COL5A3: variants seen among roughly 807,000 people sequenced by gnomAD.
COL5A3 encodes collagen alpha-3(V) chain.
Under a neutral mutation model 250.0 loss-of-function variants are expected in COL5A3, and 172 were observed. The observed-to-expected ratio is 0.69, with a 90% CI of 0.61 to 0.78. The LOEUF (loss-of-function observed/expected upper bound fraction) is 0.78. COL5A3 is among the 30% of genes least tolerant of loss of function. COL5A3 has a pLI of 0.00. For missense variants in COL5A3, 2,340 were observed against 2,334.4 expected (o/e 1.00, Z -0.05); for synonymous variants, 937 against 900.4 (o/e 1.04, Z -0.73).
intron 45 of COL5A3, 137 bp downstream of exon 45, chr19:9,976,421 A>G (rs1298212470): frequency 1.7e-6 from 1 of 596,604 alleles, no homozygotes; most frequent in East Asian, 3.6e-5. Flanking sequence ...TTGAGTTCAC[A>G]TTGGGTGTCA....
Position 9,967,336 on chromosome 19 carries a change from G to T in COL5A3, c.4458+11C>A. ...TTTGGTGTCCATTCCCCCGCCCCCC[G>T]GGGAACTCACCGGGGGGCCTGGTGG... On this transcript the variant is annotated intron_variant, in intron 62 of 66. Transcript: ENST00000264828. The T allele has an allele frequency of 7.0e-7, 1 of 1,420,712 alleles. No individual in the cohort carries two copies. The highest frequency in any genetic ancestry group is 3.0e-5 in the East Asian group (1 of 33,432). 88.0% of individuals were successfully genotyped at this position (1,420,712 alleles called of 1,614,324 possible).
rs373518733 is a variant in COL5A3, at chr19:9,998,087, A to G, written c.1158+15T>C. On this transcript the variant is annotated intron_variant, in intron 9 of 66. Coordinates refer to ENST00000264828, the MANE Select transcript of COL5A3 (RefSeq NM_015719.4). ...CATGAAGCCTCTCAACCCCCTCACAATCCAGACCCCTCACCTTTTCAATCA... is the reference window on the plus strand; with the variant it reads ...CATGAAGCCTCTCAACCCCCTCACAGTCCAGACCCCTCACCTTTTCAATCA... The G allele has an allele frequency of 5.1e-5, 82 of 1,613,616 alleles. No individual in the cohort carries two copies. The African/African-American group carries it at 9.1e-4, about 18-fold the overall frequency.
chr19:9,995,051 G>A (rs1208735816), intron 16 of COL5A3, among the ~76,000 whole-genome samples: 1 of 152,000 alleles, frequency 6.6e-6, no homozygotes, highest in Non-Finnish European at 1.5e-5. Context: ...GGGATTACAG[G>A]CGCACGCTGC....
At chr19:9,976,478 G>T in intron 45 of COL5A3, 80 bp downstream of exon 45, 1 of 1,080,186 alleles carries the variant, frequency 9.3e-7, no homozygotes, top group Non-Finnish European at 1.3e-6. Context: ...GATTAAGTCA[G>T]TGTGCTTCCA....
intron 64 of COL5A3, among the ~76,000 whole-genome samples, chr19:9,964,332 GT>G (rs1022577379): frequency 1.3e-5 from 2 of 152,146 alleles, no homozygotes; most frequent in Non-Finnish European, 2.9e-5. Context: ...GGGTGTGGTG[GT>G]TTATGCCTAT....
At chr19:9,997,276 A>T (rs1345835772) in intron 11 of COL5A3, 95 bp downstream of exon 11, 2 of 916,746 alleles carry the variant, frequency 2.2e-6, no homozygotes, top group African/African-American at 3.3e-5. Context: ...GGTGTTCCCG[A>T]GTGCCACACC....
At position 9,986,562 on chromosome 19, in the gene COL5A3, T is replaced by G; in HGVS notation, c.2235A>C (p.Lys745Asn). Reference protein sequence around the residue: ...FPGFKGDVGLKGDQGKPGAPG... With the variant: ...FPGFKGDVGLNGDQGKPGAPG... ...CTGGAGCTGGTCTTACCTGATCACC[T>G]TTGAGCCCCACATCGCCCTTGAAGC... is the stretch of plus-strand genomic sequence containing the variant. The change falls in exon 29 of 67, where the codon AAA becomes AAC. Residue 745 changes from lysine to asparagine, a missense_variant. By Grantham distance (94) the Lys-to-Asn change is moderately conservative. Coordinates refer to ENST00000264828, the MANE Select transcript of COL5A3 (RefSeq NM_015719.4). The G allele has an allele frequency of 6.2e-7, 1 of 1,613,810 alleles. No individual in the cohort carries two copies. Among genetic ancestry groups the G allele is most frequent in the Non-Finnish European group, 8.5e-7 (1 of 1,179,962 alleles).
chr19:9,978,559 T>G lies in COL5A3; in HGVS notation c.3018+15A>C. 1.3e-6 allele frequency: 2 copies of G among 1,554,544 alleles called. No homozygotes were observed. The highest frequency in any genetic ancestry group is 1.8e-6 in the Non-Finnish European group (2 of 1,131,130). On this transcript the variant is annotated intron_variant, in intron 41 of 66. Transcript: ENST00000264828. Reference sequence around the variant, plus strand: ...CTCCACCCTGCCCCCACCCAGCACATGGGGTTATACTTACATTGGCCCCCA... The same window carrying G: ...CTCCACCCTGCCCCCACCCAGCACAGGGGGTTATACTTACATTGGCCCCCA...
chr19:9,978,834 C>T (rs929450359), intron 40 of COL5A3, 57 bp downstream of exon 40: 2 of 1,115,534 alleles, frequency 1.8e-6, no homozygotes, highest in South Asian at 2.2e-5. Flanking sequence ...CCTCCCCTGA[C>T]CCCCCCATCC....
At chr19:9,973,243 G>A (rs985126422) in intron 50 of COL5A3, among the ~76,000 whole-genome samples, 3 of 152,170 alleles carry the variant, frequency 2.0e-5, no homozygotes, top group African/African-American at 7.2e-5. Flanking sequence ...GTGCAAGGTT[G>A]GCCTAGCCCA....
chr19:9,964,385 A>G (rs2086709664), intron 64 of COL5A3, among the ~76,000 whole-genome samples: 1 of 151,980 alleles, frequency 6.6e-6, no homozygotes, highest in Non-Finnish European at 1.5e-5. Context: ...GGATCTCTTG[A>G]GGCCAGGAGT....
At chr19:9,989,613 G>T (rs1347466433) in intron 24 of COL5A3, 91 bp from the exon 25 acceptor site, 1 of 1,213,034 alleles carries the variant, frequency 8.2e-7, no homozygotes, top group Non-Finnish European at 1.1e-6. Flanking sequence ...CCGCCTCAAG[G>T]TTAAGAAATA....
chr19:9,986,244 G>C (rs938287400), intron 30 of COL5A3, 71 bp downstream of exon 30: 1 of 1,088,450 alleles, frequency 9.2e-7, no homozygotes, highest in Non-Finnish European at 1.3e-6. Flanking sequence ...TATAATAAAA[G>C]GGCAAAGGGC....
At chr19:9,997,517 C>T (rs2087290535) in intron 10 of COL5A3, 84 bp from the exon 11 acceptor site, 2 of 843,576 alleles carry the variant, frequency 2.4e-6, no homozygotes, top group African/African-American at 1.7e-5. Context: ...ACTCTAACCT[C>T]AGGCTGACCT....
chr19:10,004,594 G>A (rs2087414206), intron 4 of COL5A3, among the ~76,000 whole-genome samples: 1 of 152,218 alleles, frequency 6.6e-6, no homozygotes, highest in African/African-American at 2.4e-5. Context: ...GCCTCCCAAA[G>A]TGCTGGGATT....
In COL5A3 at chr19:9,986,395, C is replaced by G; in HGVS notation, c.2272G>C (p.Gly758Arg). The G allele has an allele frequency of 6.2e-7, 1 of 1,612,052 alleles. No homozygotes were observed. Among genetic ancestry groups the G allele is most frequent in the South Asian group, 1.1e-5 (1 of 91,072 alleles). Residue 758 changes from glycine to arginine, a missense_variant, in exon 30 of 67, where the codon GGA becomes CGA. Physicochemically the swap from Gly to Arg is moderately radical, Grantham distance 125. Coordinates refer to ENST00000264828, the MANE Select transcript of COL5A3 (RefSeq NM_015719.4). ...TTCGGCCCCTCAGGACCATCCTCTCCCCGGGGACCTGGAGCTCCGGGTTTC... is the reference window on the plus strand; with the variant it reads ...TTCGGCCCCTCAGGACCATCCTCTCGCCGGGGACCTGGAGCTCCGGGTTTC... The part of the protein sequence containing the change: ...QGKPGAPGPR[G>R]EDGPEGPKGQ...
At chr19:10,006,526 G>T (rs1369142048) in intron 1 of COL5A3, among the ~76,000 whole-genome samples, 2 of 151,988 alleles carry the variant, frequency 1.3e-5, no homozygotes, top group Non-Finnish European at 2.9e-5. Context: ...AAACTTCCTG[G>T]CCTAAGCCCC....
chr19:9,968,670 C>T lies in COL5A3; in HGVS notation c.4206+5G>A. On this transcript the variant is annotated splice_donor_5th_base_variant and intron_variant, in intron 58 of 66. Coordinates refer to ENST00000264828, the MANE Select transcript of COL5A3 (RefSeq NM_015719.4). This position sits in a 1 kb window ranked among gnomAD's most constrained non-coding sequence, Gnocchi z 4.1. ...GGGAAGAGAATAATGGAATGATGTCCTTACCTTTTCCCCCTTGGGGCCAGT... is the reference window on the plus strand; with the variant it reads ...GGGAAGAGAATAATGGAATGATGTCTTTACCTTTTCCCCCTTGGGGCCAGT... The T allele has an allele frequency of 1.9e-6, 3 of 1,607,286 alleles. No homozygotes were observed. Among genetic ancestry groups the T allele is most frequent in the Middle Eastern group, 1.7e-4 (1 of 6,050 alleles).
Position 9,968,639 on chromosome 19 carries a change from G to A in COL5A3, c.4206+36C>T, listed in dbSNP as rs1304142315. On this transcript the variant is annotated intron_variant, in intron 58 of 66. Coordinates refer to ENST00000264828, the MANE Select transcript of COL5A3 (RefSeq NM_015719.4). This position sits in a 1 kb window ranked among gnomAD's most constrained non-coding sequence, Gnocchi z 4.1. ...CCAGGGAGGGAGGGAAAGAGGGGAG[G>A]AGATGGGGAAGAGAATAATGGAATG... 1.2e-6 allele frequency: 2 copies of A among 1,604,744 alleles called. No individual in the cohort carries two copies. The highest frequency in any genetic ancestry group is 1.7e-5 in the Admixed American group (1 of 58,570).
Sources: allele counts gnomAD v4.1 joint callset (sites outside exome capture counted in the v4.1 genomes callset), GRCh38; gene constraint gnomAD v4.1.1; non-coding constraint Gnocchi (gnomAD v3.1); transcripts MANE v1.5; gene names NCBI Gene and HGNC (gene_info 2026-07-23, HGNC 2026-07-21).